Variants in CELF2 observed in about 807,000 individuals in gnomAD.
CELF2 encodes the protein CUGBP Elav-like family member 2, also known as CUG triplet repeat RNA-binding protein 2.
CELF2 carries 8 observed loss-of-function variants against 62.6 expected under a neutral mutation model. The ratio of observed to expected loss-of-function variants is 0.13; its 90% CI spans 0.07 to 0.23. The LOEUF (loss-of-function observed/expected upper bound fraction) is 0.23. Among genes scored for constraint, CELF2 ranks in the 10% least tolerant of loss-of-function variants. The probability of loss-of-function intolerance (pLI) is 1.00; values close to 1 mark genes in which losing one functional copy is unlikely to be tolerated. For synonymous variants in CELF2, 258 were observed against 250.0 expected (o/e 1.03, Z -0.30); for missense variants, 333 against 671.0 (o/e 0.50, Z 5.56).
At chr10:10,523,032 C>A in the CELF2 span, among the ~76,000 whole-genome samples, 3 of 152,174 alleles carry the variant, frequency 2.0e-5, no homozygotes, top group Non-Finnish European at 2.9e-5. Context: ...GTTTCTCCTG[C>A]TAAAAGTAAG....
chr10:11,128,686 A>T (rs1042605951), intron 1 of CELF2, among the ~76,000 whole-genome samples: 2 of 152,010 alleles, frequency 1.3e-5, no homozygotes, highest in African/African-American at 4.8e-5. Context: ...TTTGTCTGTT[A>T]TTGGTGTATA....
At chr10:10,474,198 T>A in the CELF2 span, among the ~76,000 whole-genome samples, 3 of 151,958 alleles carry the variant, frequency 2.0e-5, no homozygotes, top group Non-Finnish European at 4.4e-5. Context: ...ATCCCAGTTC[T>A]TAAGGAGGCA....
At chr10:10,482,740 C>A in the CELF2 span, among the ~76,000 whole-genome samples, 2 of 152,174 alleles carry the variant, frequency 1.3e-5, no homozygotes, top group Non-Finnish European at 2.9e-5. Context: ...TGTGAACACA[C>A]CTGCCCTGTA....
At chr10:10,806,509 T>C (rs2055252707) in intron 1 of CELF2, among the ~76,000 whole-genome samples, 1 of 152,178 alleles carries the variant, frequency 6.6e-6, no homozygotes, top group African/African-American at 2.4e-5. Context: ...CAGCCTCCAG[T>C]GGACTTTCTG....
At chr10:10,911,322 C>A (rs2063792525) in intron 1 of CELF2, among the ~76,000 whole-genome samples, 1 of 152,216 alleles carries the variant, frequency 6.6e-6, no homozygotes, top group African/African-American at 2.4e-5. Context: ...CAAAGGCACA[C>A]ACTTGTGGCT....
chr10:10,489,658 G>T, the CELF2 span, among the ~76,000 whole-genome samples: 1 of 152,216 alleles, frequency 6.6e-6, no homozygotes, highest in Middle Eastern at 3.4e-3. Context: ...TTGGGGCAAT[G>T]CTTTGGATTT....
chr10:10,956,559 A>G (rs17149171), intron 2 of CELF2, among the ~76,000 whole-genome samples: 1,736 of 152,188 alleles, frequency 0.011, 32 homozygotes, highest in African/African-American at 0.036. Context: ...CTTCTCTACC[A>G]TAGTGTTAAA....
At chr10:11,154,421 C>T (rs1375598546) in intron 1 of CELF2, among the ~76,000 whole-genome samples, 2 of 152,176 alleles carry the variant, frequency 1.3e-5, no homozygotes, top group East Asian at 3.8e-4. Flanking sequence ...TGTCATTTGG[C>T]CTTTGCCTTT....
intron 1 of CELF2, among the ~76,000 whole-genome samples, chr10:11,127,856 C>A (rs2058983866): frequency 6.6e-6 from 1 of 152,146 alleles, no homozygotes; most frequent in Non-Finnish European, 1.5e-5. Flanking sequence ...ATGGTAGTTT[C>A]TTTTGCCATG....
Position 11,328,878 on chromosome 10 carries a change from C to A in CELF2, c.1439-48C>A. The stretch of plus-strand genomic sequence containing the variant: ...GAGCTCCAGCCCCCTTTTCTGTTTT[C>A]TGCTGGGCTTCCTCTCCAGGCTGAC... On this transcript the variant is annotated intron_variant, in intron 12 of 12. Transcript: ENST00000633077. This position sits in a 1 kb window ranked among gnomAD's most constrained non-coding sequence, Gnocchi z 6.4. 1 of 1,580,124 alleles carries A rather than the reference C, an allele frequency of 6.3e-7. No homozygotes were observed. Among genetic ancestry groups the A allele is most frequent in the Admixed American group, 1.7e-5 (1 of 57,490 alleles).
At chr10:10,709,979 C>T in the CELF2 span, among the ~76,000 whole-genome samples, 3 of 152,268 alleles carry the variant, frequency 2.0e-5, no homozygotes, top group East Asian at 3.9e-4. Flanking sequence ...TGTGCTTGTG[C>T]GAATAACAAG....
chr10:10,483,915 ATCTCTCTCTCAACTCTCTCTCGTC>A, the CELF2 span, among the ~76,000 whole-genome samples: 1 of 126,818 alleles, frequency 7.9e-6, no homozygotes, highest in African/African-American at 3.0e-5. Flanking sequence ...TCTGTGTCTC[ATCTCTCTCTCAACTCTCTCTCGTC>A]TCTCTCTCTC....
the CELF2 span, among the ~76,000 whole-genome samples, chr10:10,714,350 C>G: frequency 1.3e-5 from 2 of 152,156 alleles, no homozygotes; most frequent in African/African-American, 4.8e-5. Context: ...AGAAAGAATG[C>G]AGTGCAATTA....
intron 1 of CELF2, among the ~76,000 whole-genome samples, chr10:11,154,467 T>C (rs916049741): frequency 6.6e-5 from 10 of 152,322 alleles, no homozygotes; most frequent in African/African-American, 2.2e-4. Flanking sequence ...GACCAGCATA[T>C]TTGCATGGAA....
At chr10:10,694,486 C>T in the CELF2 span, among the ~76,000 whole-genome samples, 1 of 152,050 alleles carries the variant, frequency 6.6e-6, no homozygotes, top group South Asian at 2.1e-4. Context: ...AATGTATATT[C>T]TGTTGATTTG....
chr10:10,731,941 A>G, the CELF2 span, among the ~76,000 whole-genome samples: 3 of 152,240 alleles, frequency 2.0e-5, no homozygotes, highest in Admixed American at 6.5e-5. Flanking sequence ...CAGACTCCTC[A>G]TCTTTGCACC....
chr10:11,039,570 T>C lies in CELF2; in HGVS notation c.74+21407T>C, dbSNP rs1019429956. Among the ~76,000 whole-genome samples the C allele has an allele frequency of 2.0e-5, 3 of 152,178 alleles. No homozygotes were observed. The highest frequency in any genetic ancestry group is 3.9e-4 in the East Asian group (2 of 5,186). ...CATGTTTGCCCACGTACACATCTTATTTTGTAAGCTTTACACGCTTCTAAT... is the reference window on the plus strand; with the variant it reads ...CATGTTTGCCCACGTACACATCTTACTTTGTAAGCTTTACACGCTTCTAAT... On this transcript the variant is annotated intron_variant, in intron 1 of 12. Transcript: ENST00000633077. This position sits in a 1 kb window ranked among gnomAD's most constrained non-coding sequence, Gnocchi z 4.1.
the CELF2 span, among the ~76,000 whole-genome samples, chr10:10,570,997 A>G: frequency 6.6e-6 from 1 of 152,222 alleles, no homozygotes; most frequent in Non-Finnish European, 1.5e-5. Context: ...GTAATTAAAT[A>G]AAAGTACATC....
chr10:10,653,182 A>C, the CELF2 span, among the ~76,000 whole-genome samples: 2 of 152,206 alleles, frequency 1.3e-5, no homozygotes, highest in Non-Finnish European at 2.9e-5. Flanking sequence ...CTAAATATAT[A>C]TGCACCCAAT....
Sources: allele counts gnomAD v4.1 joint callset (sites outside exome capture counted in the v4.1 genomes callset), GRCh38; gene constraint gnomAD v4.1.1; non-coding constraint Gnocchi (gnomAD v3.1); transcripts MANE v1.5; gene names NCBI Gene and HGNC (gene_info 2026-07-23, HGNC 2026-07-21).